SIRT2: variants seen among roughly 807,000 people sequenced by gnomAD.
SIRT2 encodes sirtuin 2.
A neutral mutation model predicts 57.4 loss-of-function variants in SIRT2; 40 were observed. That is an observed-to-expected ratio of 0.70 (90% CI 0.54 to 0.91). The LOEUF (loss-of-function observed/expected upper bound fraction) is 0.91, where lower values mean the gene tolerates loss of function less well. Among genes scored for constraint, SIRT2 ranks in the 40% least tolerant of loss-of-function variants. SIRT2 has a pLI of 0.00. For synonymous variants in SIRT2, 161 were observed against 195.7 expected, an observed-to-expected ratio of 0.82 and a Z score of 1.48; for missense variants, 439 against 510.4, an observed-to-expected ratio of 0.86 and a Z score of 1.35.
chr19:38,895,830 T>C (rs1331542900), intron 2 of SIRT2, among the ~76,000 whole-genome samples: 1 of 152,062 alleles, frequency 6.6e-6, no homozygotes. Context: ...CCCAACACTT[T>C]GGGAGGCTGA....
At chr19:38,889,009 C>T in intron 8 of SIRT2, 78 bp downstream of exon 8, 2 of 1,372,292 alleles carry the variant, frequency 1.5e-6, no homozygotes, top group South Asian at 2.3e-5. Context: ...CTTGGGCACG[C>T]AGCTCTGCTC....
chr19:38,889,767 G>T (rs1452396117), intron 6 of SIRT2, 22 bp from the exon 7 acceptor site: 2 of 1,614,174 alleles, frequency 1.2e-6, no homozygotes, highest in Non-Finnish European at 1.7e-6. Flanking sequence ...ACAGCCAGAG[G>T]GCCAGATGCC....
intron 2 of SIRT2, chr19:38,894,536 G>A (rs1418414961): frequency 3.4e-6 from 1 of 295,984 alleles, no homozygotes; most frequent in Non-Finnish European, 6.6e-6. Flanking sequence ...TCACAGCCTG[G>A]GGTCTTCCCT....
intron 8 of SIRT2, among the ~76,000 whole-genome samples, chr19:38,886,833 G>T (rs1293974227): frequency 6.6e-6 from 1 of 152,018 alleles, no homozygotes; most frequent in Non-Finnish European, 1.5e-5. Context: ...TGTTGGCCAG[G>T]CTGGTCTTAA....
intron 15 of SIRT2, 27 bp downstream of exon 15, chr19:38,879,407 A>G: frequency 6.3e-7 from 1 of 1,590,342 alleles, no homozygotes; most frequent in East Asian, 2.3e-5. Context: ...GGGGCTCAGG[A>G]CAGGCTGGGG....
chr19:38,892,172 G>A (rs552745967), intron 4 of SIRT2, among the ~76,000 whole-genome samples: 18 of 152,090 alleles, frequency 1.2e-4, no homozygotes, highest in Non-Finnish European at 2.4e-4. Flanking sequence ...GAGGAGGGTG[G>A]ATTGCCTGAG....
chr19:38,884,379 T>TG (rs1477939753), intron 8 of SIRT2, among the ~76,000 whole-genome samples: 4 of 152,220 alleles, frequency 2.6e-5, no homozygotes, highest in African/African-American at 9.6e-5. Context: ...CACAGCTGCA[T>TG]GTGGCAGCTC....
At chr19:38,881,568 C>A in intron 9 of SIRT2, 77 bp from the exon 10 acceptor site, 2 of 1,136,898 alleles carry the variant, frequency 1.8e-6, no homozygotes, top group South Asian at 1.3e-5. Flanking sequence ...GCACCCCCAC[C>A]CCTCTTCCAC....
At chr19:38,893,170 C>T (rs887221463) in intron 4 of SIRT2, among the ~76,000 whole-genome samples, 3 of 151,916 alleles carry the variant, frequency 2.0e-5, no homozygotes, top group Non-Finnish European at 4.4e-5. Context: ...TACCTTTACC[C>T]CAAAACAAGA....
At chr19:38,890,698 GAAA>G (rs58117317) in intron 4 of SIRT2, 53 of 119,430 alleles carry the variant, frequency 4.4e-4, no homozygotes, top group African/African-American at 1.3e-3. Flanking sequence ...TCAAAAAAAG[GAAA>G]AAAAAAAAAA....
intron 2 of SIRT2, among the ~76,000 whole-genome samples, chr19:38,896,057 C>T (rs767854860): frequency 6.0e-5 from 9 of 150,734 alleles, no homozygotes; most frequent in Non-Finnish European, 7.4e-5. Context: ...GGTGACAGAG[C>T]GAGACTCCGT....
At chr19:38,898,605 A>G in intron 1 of SIRT2, 180 bp from the exon 2 acceptor site, 1 of 404,840 alleles carries the variant, frequency 2.5e-6, no homozygotes. Flanking sequence ...TCTACATGCA[A>G]AGTGATGCCG....
Position 38,883,843 on chromosome 19 carries a change from G to A in SIRT2, c.502-87C>T, listed in dbSNP as rs1389555053. 6 of 1,426,626 alleles carry A rather than the reference G, an allele frequency of 4.2e-6. No individual in the cohort carries two copies. The African/African-American group carries it at 7.0e-5, about 17-fold the overall frequency. 88.4% of individuals were successfully genotyped at this position (1,426,626 alleles called of 1,614,324 possible). On this transcript the variant is annotated intron_variant, in intron 8 of 15. Transcript: ENST00000249396. ...CACAGTAGGGAGTTGAGGGCCACGA[G>A]GAGCAGTGAGGTGGTGGGGACAGGT...
At position 38,879,713 on chromosome 19, in the gene SIRT2, G is replaced by T; in HGVS notation, c.877-11C>A. The stretch of plus-strand genomic sequence containing the variant: ...CAGGAAAGGGTCCGACTGTCAGGGA[G>T]GGGGTGGGTCAGGGGCAGGAGCAGG... On this transcript the variant is annotated splice_polypyrimidine_tract_variant and intron_variant, in intron 13 of 15. Transcript: ENST00000249396. 6.4e-7 allele frequency: 1 copy of T among 1,560,168 alleles called. No homozygotes were observed. Among genetic ancestry groups the T allele is most frequent in the South Asian group, 1.2e-5 (1 of 84,660 alleles).
rs1973222602 is a variant in SIRT2 at position 38,883,491 on chromosome 19, ACT to A, written c.631+134_631+135del. 3.4e-6 allele frequency: 4 copies of A among 1,192,874 alleles called. No homozygotes were observed. The South Asian group carries it at 5.6e-5, about 17-fold the overall frequency. The allele number at this position is 1,192,874 out of a possible 1,614,324, so 73.9% of individuals were successfully genotyped here. A position where few individuals can be genotyped will look rare whatever the true frequency, so the allele number is the denominator to read the frequency against. On this transcript the variant is annotated intron_variant, in intron 9 of 15. Coordinates refer to ENST00000249396, the MANE Select transcript of SIRT2 (RefSeq NM_012237.4). ...CTCCCCGCGTGGGCGACAGAGTGAGACTCTGTCTCAAAAACAAACAAACAAAA... is the reference window on the plus strand; with the variant it reads ...CTCCCCGCGTGGGCGACAGAGTGAGACTGTCTCAAAAACAAACAAACAAAA...
At chr19:38,893,994 A>G (rs1344030427) in intron 2 of SIRT2, 127 bp from the exon 3 acceptor site, 8 of 1,535,540 alleles carry the variant, frequency 5.2e-6, no homozygotes, top group Non-Finnish European at 7.0e-6. Flanking sequence ...GGGGTGGTGG[A>G]GAGACTGCAC....
chr19:38,894,937 C>G (rs1973669540), intron 2 of SIRT2: 1 of 455,820 alleles, frequency 2.2e-6, no homozygotes, highest in East Asian at 7.0e-5. Flanking sequence ...GCCCTAGGTG[C>G]CCCCCAGCCT....
rs771237200 is a variant in SIRT2 at position 38,880,121 on chromosome 19, A to G, written c.877-419T>C. On this transcript the variant is annotated intron_variant, in intron 13 of 15. Transcript: ENST00000249396. The surrounding 1 kb of genome is among the most constrained non-coding windows in gnomAD (Gnocchi z 4.1). ...ATTACAGGCGTGAGCCATTGCGCCC[A>G]GCCAGCTCAGTGACTTTGGTCAAGT... 4.1e-5 allele frequency: 8 copies of G among 193,682 alleles called. No individual in the cohort carries two copies. The highest frequency in any genetic ancestry group is 7.5e-5 in the Non-Finnish European group (7 of 92,812). 12.0% of individuals were successfully genotyped at this position (193,682 alleles called of 1,614,324 possible).
rs1250193381 is a variant in SIRT2, at chr19:38,889,146, A to T, written c.442T>A (p.Cys148Ser). The change falls in exon 8 of 16, where the codon TGT (cysteine) becomes AGT (serine). Residue 148 changes from cysteine (C) to serine (S), a missense_variant. Coordinates refer to ENST00000249396, the MANE Select transcript of SIRT2 (RefSeq NM_012237.4). ...LYPGQFKPTICHYFMRLLKDK... is the reference protein window; with the variant it reads ...LYPGQFKPTISHYFMRLLKDK... ...TTCAGCAGGCGCATGAAGTAGTGAC[A>T]GATGGTTGGCTGCAGGGAAGAGCGA... The T allele has an allele frequency of 1.2e-6, 2 of 1,613,014 alleles. No homozygotes were observed. Among genetic ancestry groups the T allele is most frequent in the Non-Finnish European group, 1.7e-6 (2 of 1,180,008 alleles).
Sources: allele counts gnomAD v4.1 joint callset (sites outside exome capture counted in the v4.1 genomes callset), GRCh38; gene constraint gnomAD v4.1.1; non-coding constraint Gnocchi (gnomAD v3.1); transcripts MANE v1.5; gene names NCBI Gene and HGNC (gene_info 2026-07-23, HGNC 2026-07-21).